The following POLR3GL variants were observed in gnomAD, a reference collection of about 807,000 sequenced individuals.
POLR3GL encodes the protein DNA-directed RNA polymerase III subunit RPC7-like.
POLR3GL carries 26 observed loss-of-function variants against 32.4 expected under a neutral mutation model. That is an observed-to-expected ratio of 0.80 (90% CI 0.59 to 1.11). The LOEUF (loss-of-function observed/expected upper bound fraction) is 1.11. Among genes scored for constraint, POLR3GL ranks in the 50% most tolerant of loss-of-function variants. The pLI is 0.00. For missense variants in POLR3GL, 229 were observed against 280.1 expected (o/e 0.82, Z 1.30); for synonymous variants, 95 against 98.7 (o/e 0.96, Z 0.22).
chr1:145,965,140 C>T (rs1438148343), intron 1 of POLR3GL, among the ~76,000 whole-genome samples: 1 of 152,194 alleles, frequency 6.6e-6, no homozygotes, highest in African/African-American at 2.4e-5. Context: ...ATTGTTCCCC[C>T]GTCTACGATA....
Position 145,977,148 on chromosome 1 carries a change from C to A in POLR3GL, c.321C>A (p.Asn107Lys). 1 of 1,613,010 alleles carries A rather than the reference C, an allele frequency of 6.2e-7. No individual in the cohort carries two copies. The change falls in exon 4 of 8, where the codon AAC becomes AAA. Residue 107 changes from asparagine to lysine, a missense_variant. Transcript: ENST00000369314. ...SGPIDNAIDW[N>K]PDWRRLPREL... ...CGATTGACAATGCCATCGATTGGAACCCTGGTAGGTGATGGGCCCTTTCAT... is the reference window on the plus strand; with the variant it reads ...CGATTGACAATGCCATCGATTGGAAACCTGGTAGGTGATGGGCCCTTTCAT...
At chr1:145,976,576 G>GAAA (rs782590366) in intron 3 of POLR3GL, among the ~76,000 whole-genome samples, 1 of 145,554 alleles carries the variant, frequency 6.9e-6, no homozygotes. Context: ...GATTCTGTCT[G>GAAA]AAAAAAAAAA....
At position 145,975,389 on chromosome 1, in the gene POLR3GL, C is replaced by G; in HGVS notation, c.209C>G (p.Ala70Gly). 1 of 1,614,136 alleles carries G rather than the reference C, an allele frequency of 6.2e-7. No homozygotes were observed. The highest frequency in any genetic ancestry group is 8.5e-7 in the Non-Finnish European group (1 of 1,179,968). ...GCACTGAAGCAAGAGCTACGAGGAG[C>G]CATGAGGCAGCTCCCCTACTTCATC... ...VLALKQELRG[A>G]MRQLPYFIRP... The change falls in exon 3 of 8, where the codon GCC becomes GGC. Residue 70 changes from alanine (A) to glycine (G), a missense_variant. By Grantham distance (60) the Ala-to-Gly change is moderately conservative. Coordinates refer to ENST00000369314, the MANE Select transcript of POLR3GL (RefSeq NM_032305.3).
chr1:145,976,122 A>C (rs1650543204), intron 3 of POLR3GL, among the ~76,000 whole-genome samples: 1 of 152,048 alleles, frequency 6.6e-6, no homozygotes, highest in South Asian at 2.1e-4. Flanking sequence ...TAAAAATATA[A>C]AAATTAGCCA....
At chr1:145,967,852 A>G (rs1650109246) in intron 1 of POLR3GL, among the ~76,000 whole-genome samples, 1 of 152,224 alleles carries the variant, frequency 6.6e-6, no homozygotes, top group Non-Finnish European at 1.5e-5. Flanking sequence ...CACTCAGTAA[A>G]TATTTGTTGA....
chr1:145,964,909 CTG>C, intron 1 of POLR3GL, 141 bp downstream of exon 1: 1 of 152,244 alleles, frequency 6.6e-6, no homozygotes, highest in East Asian at 1.9e-4. Context: ...GCTTCCATTT[CTG>C]TATTGATTGT....
At chr1:145,966,325 CA>C (rs587710334) in intron 1 of POLR3GL, among the ~76,000 whole-genome samples, 1 of 150,130 alleles carries the variant, frequency 6.7e-6, no homozygotes, top group African/African-American at 2.5e-5. Flanking sequence ...ACAAAAACTA[CA>C]AAAAAAATAG....
intron 1 of POLR3GL, among the ~76,000 whole-genome samples, chr1:145,970,014 C>T (rs587641117): frequency 6.6e-6 from 1 of 151,690 alleles, no homozygotes; most frequent in African/African-American, 2.4e-5. Flanking sequence ...ATTTTTGGTA[C>T]ATATCCTTCT....
At chr1:145,971,964 C>CAAAAAA (rs1187495263) in intron 1 of POLR3GL, among the ~76,000 whole-genome samples, 4 of 45,584 alleles carry the variant, frequency 8.8e-5, no homozygotes, top group Admixed American at 8.3e-4. Flanking sequence ...GACTCTGTCT[C>CAAAAAA]AAAAAAAAAA....
chr1:145,972,872 A>AT (rs1553762898), intron 1 of POLR3GL, among the ~76,000 whole-genome samples: 1 of 151,734 alleles, frequency 6.6e-6, no homozygotes, highest in East Asian at 1.9e-4. Flanking sequence ...TAATTTTTGT[A>AT]TTTTTTGTAA....
At chr1:145,976,662 C>G (rs1437707973) in intron 3 of POLR3GL, among the ~76,000 whole-genome samples, 1 of 151,022 alleles carries the variant, frequency 6.6e-6, no homozygotes, top group Non-Finnish European at 1.5e-5. Context: ...CGCCTGTAAT[C>G]CCAGCACTTT....
In POLR3GL at chr1:145,977,119, G is replaced by C. The variant is rs766935281; in HGVS notation, c.292G>C (p.Gly98Arg). ...TTATTCAGACAAATATCAGATGTCA[G>C]GTCCGATTGACAATGCCATCGATTG... is the stretch of plus-strand genomic sequence containing the variant. The part of the protein sequence containing the change: ...ERYSDKYQMS[G>R]PIDNAIDWNP... Residue 98 changes from glycine (G) to arginine (R), a missense_variant, in exon 4 of 8, where the codon GGT becomes CGT. Coordinates refer to ENST00000369314, the MANE Select transcript of POLR3GL (RefSeq NM_032305.3). 1 of 1,613,998 alleles carries C rather than the reference G, an allele frequency of 6.2e-7. No homozygotes were observed. Among genetic ancestry groups the C allele is most frequent in the African/African-American group, 1.3e-5 (1 of 74,962 alleles).
At chr1:145,974,526 T>G in intron 1 of POLR3GL, among the ~76,000 whole-genome samples, 1 of 152,118 alleles carries the variant, frequency 6.6e-6, no homozygotes, top group Non-Finnish European at 1.5e-5. Context: ...AATAAAGAAA[T>G]GCAGATAGAG....
chr1:145,974,919 C>A lies in POLR3GL; in HGVS notation c.54C>A (p.Asn18Lys), dbSNP rs781808113. The A allele has an allele frequency of 4.6e-6, 7 of 1,520,434 alleles. No individual in the cohort carries two copies. In the Admixed American group the frequency reaches 1.8e-4, roughly 40 times the overall value. The allele number at this position is 1,520,434 out of a possible 1,614,324, so 94.2% of individuals were successfully genotyped here. ...RGRGRGQLTF[N>K]VEAVGIGKGD... ...GTGGCCGGGGCCAGTTGACCTTCAA[C>A]GTGGAGGCCGTGGGCATTGGGAAAG... Residue 18 changes from asparagine to lysine, a missense_variant, in exon 2 of 8, where the codon AAC (asparagine) becomes AAA (lysine). Coordinates refer to ENST00000369314, the MANE Select transcript of POLR3GL (RefSeq NM_032305.3).
At position 145,978,542 on chromosome 1, in the gene POLR3GL, G is replaced by C. The variant is rs1650671626; in HGVS notation, c.*95G>C. 1.2e-6 allele frequency: 1 copy of C among 840,154 alleles called. No individual in the cohort carries two copies. Among genetic ancestry groups the C allele is most frequent in the Admixed American group, 2.0e-5 (1 of 48,988 alleles). 52.0% of individuals were successfully genotyped at this position (840,154 alleles called of 1,614,324 possible). A position where few individuals can be genotyped will look rare whatever the true frequency, so the allele number is the denominator to read the frequency against. The stretch of plus-strand genomic sequence containing the variant: ...CAGACAAGCAAATCATTTGGTCAGA[G>C]TTCATATAATCTGTCTGTTCCCTGG... On this transcript the variant is annotated 3_prime_UTR_variant, in exon 8 of 8. Coordinates refer to ENST00000369314, the MANE Select transcript of POLR3GL (RefSeq NM_032305.3).
At chr1:145,966,371 G>A (rs1007186809) in intron 1 of POLR3GL, among the ~76,000 whole-genome samples, 9 of 151,428 alleles carry the variant, frequency 5.9e-5, no homozygotes, top group Non-Finnish European at 8.8e-5. Context: ...AGTTCCAGCT[G>A]CTCAGGAGGC....
intron 1 of POLR3GL, among the ~76,000 whole-genome samples, chr1:145,968,594 CAG>C (rs1650141119): frequency 1.4e-5 from 2 of 147,386 alleles, no homozygotes; most frequent in East Asian, 3.9e-4. Flanking sequence ...TTTTTTGAGA[CAG>C]AGTCTCGCTC....
At chr1:145,975,031 C>G in intron 2 of POLR3GL, 40 bp downstream of exon 2, 1 of 1,502,178 alleles carries the variant, frequency 6.7e-7, no homozygotes, top group African/African-American at 1.4e-5. Flanking sequence ...TCATGTGCCC[C>G]TGGCTGACTG....
At chr1:145,974,075 T>C (rs868959429) in intron 1 of POLR3GL, among the ~76,000 whole-genome samples, 9 of 150,448 alleles carry the variant, frequency 6.0e-5, no homozygotes, top group African/African-American at 2.2e-4. Context: ...GAGGCTGCAG[T>C]GAGCCATGAT....
Sources: gnomAD v4.1 joint callset for allele counts (sites outside exome capture counted in the v4.1 genomes callset) on GRCh38, gnomAD v4.1.1 for gene constraint, MANE v1.5 for transcripts, NCBI Gene and HGNC (gene_info 2026-07-23, HGNC 2026-07-21) for gene names.